Variants in ZNF827 observed in about 807,000 individuals in gnomAD.
ZNF827 encodes zinc finger protein 827.
ZNF827 carries 13 observed loss-of-function variants against 102.4 expected under a neutral mutation model. The ratio of observed to expected loss-of-function variants is 0.13; its 90% CI spans 0.08 to 0.20. The LOEUF is 0.20. Ranked by LOEUF, ZNF827 falls within the 10% of genes least tolerant of loss-of-function variation. ZNF827 has a pLI of 1.00. For synonymous variants in ZNF827, 523 were observed against 536.2 expected (o/e 0.98, Z 0.34); for missense variants, 1,103 against 1,344.4 (o/e 0.82, Z 2.81).
At chr4:145,790,932 G>A (rs758337015) in intron 8 of ZNF827, among the ~76,000 whole-genome samples, 1 of 152,168 alleles carries the variant, frequency 6.6e-6, no homozygotes, top group Non-Finnish European at 1.5e-5. Flanking sequence ...AGGCAACAGT[G>A]GTCACAAATA....
Position 145,819,199 on chromosome 4 carries a change from C to T in ZNF827, c.2383+4223G>A, listed in dbSNP as rs191899159. Among the ~76,000 whole-genome samples, 416 of 152,100 alleles carry T rather than the reference C, an allele frequency of 2.7e-3. 1 individual carries two copies. The highest frequency in any genetic ancestry group is 3.9e-3 in the Non-Finnish European group (262 of 68,010). ...GTGCTTTACATTATCTCACTCCAGG[C>T]TGCATCTGAAATAACACACGGAAGC... On this transcript the variant is annotated intron_variant, in intron 8 of 14. Transcript: ENST00000508784.
rs764433693 is a variant in ZNF827 at position 145,938,447 on chromosome 4, A to G, written c.-40T>C. ...CACATTCTCCTCCTTGGTTAATGTG[A>G]GATCAAATAAACCCCCGTGGGGGCA... On this transcript the variant is annotated 5_prime_UTR_variant, in exon 1 of 15. Coordinates refer to ENST00000508784, the MANE Select transcript of ZNF827 (RefSeq NM_001306215.2). The G allele has an allele frequency of 2.1e-6, 3 of 1,424,074 alleles. No homozygotes were observed. Among genetic ancestry groups the G allele is most frequent in the Non-Finnish European group, 2.8e-6 (3 of 1,063,344 alleles). 88.2% of individuals were successfully genotyped at this position (1,424,074 alleles called of 1,614,324 possible).
intron 7 of ZNF827, among the ~76,000 whole-genome samples, chr4:145,835,539 C>A (rs927014006): frequency 2.0e-5 from 3 of 149,882 alleles, no homozygotes; most frequent in Admixed American, 6.6e-5. Flanking sequence ...TATCTGCTTC[C>A]CTGACTATTC....
intron 5 of ZNF827, among the ~76,000 whole-genome samples, chr4:145,854,032 T>C (rs1367105029): frequency 6.6e-6 from 1 of 151,854 alleles, no homozygotes; most frequent in Non-Finnish European, 1.5e-5. Flanking sequence ...ATACAGGAAC[T>C]GGATGAGAGG....
intron 8 of ZNF827, among the ~76,000 whole-genome samples, chr4:145,806,312 C>T (rs1331639384): frequency 7.0e-6 from 1 of 143,844 alleles, no homozygotes; most frequent in African/African-American, 2.6e-5. Flanking sequence ...CCACCACGCC[C>T]AGCTACTTTT....
chr4:145,838,033 T>G (rs1450688739), intron 7 of ZNF827, among the ~76,000 whole-genome samples: 1 of 152,160 alleles, frequency 6.6e-6, no homozygotes, highest in Non-Finnish European at 1.5e-5. Context: ...TTATTTTTCT[T>G]ATTAATATAA....
At chr4:145,891,555 G>A (rs1454149192) in intron 3 of ZNF827, among the ~76,000 whole-genome samples, 1 of 152,182 alleles carries the variant, frequency 6.6e-6, no homozygotes, top group Non-Finnish European at 1.5e-5. Flanking sequence ...TTTAGTGTAG[G>A]TTTGAGCTCC....
intron 5 of ZNF827, among the ~76,000 whole-genome samples, chr4:145,858,840 TGA>T (rs1747433440): frequency 6.6e-6 from 1 of 152,116 alleles, no homozygotes; most frequent in South Asian, 2.1e-4. Flanking sequence ...TTTTAATAAC[TGA>T]GAGTTTGTCA....
At chr4:145,935,530 G>A (rs1039216258) in intron 1 of ZNF827, among the ~76,000 whole-genome samples, 5 of 152,184 alleles carry the variant, frequency 3.3e-5, no homozygotes, top group Non-Finnish European at 5.9e-5. Flanking sequence ...TCCATTCAAT[G>A]CAAAGGTAAG....
chr4:145,791,192 G>A (rs1157019906), intron 8 of ZNF827, among the ~76,000 whole-genome samples: 1 of 152,186 alleles, frequency 6.6e-6, no homozygotes, highest in Non-Finnish European at 1.5e-5. Context: ...TCAAGGCACT[G>A]GCAGATTCAG....
At chr4:145,918,332 CAAAAAAAAAAAAAAA>C (rs34428145) in intron 1 of ZNF827, among the ~76,000 whole-genome samples, 1 of 22,128 alleles carries the variant, frequency 4.5e-5, no homozygotes, top group Non-Finnish European at 7.2e-5. Flanking sequence ...TAGCTCAAGG[CAAAAAAAAAAAAAAA>C]AAAAAAAAAA....
intron 8 of ZNF827, among the ~76,000 whole-genome samples, chr4:145,822,535 T>C (rs1414753475): frequency 6.6e-6 from 1 of 152,202 alleles, no homozygotes; most frequent in Non-Finnish European, 1.5e-5. Flanking sequence ...ACAACCCTGC[T>C]GTGAGTACTG....
chr4:145,777,575 C>G (rs1029639389), intron 9 of ZNF827, among the ~76,000 whole-genome samples: 4 of 152,110 alleles, frequency 2.6e-5, no homozygotes, highest in Admixed American at 6.5e-5. Context: ...TTTCTTAGAG[C>G]TTCATTATTC....
At chr4:145,798,505 A>C (rs993260271) in intron 8 of ZNF827, among the ~76,000 whole-genome samples, 6 of 152,162 alleles carry the variant, frequency 3.9e-5, no homozygotes, top group Non-Finnish European at 7.3e-5. Flanking sequence ...GTCTCCACTA[A>C]AAATACAAAA....
chr4:145,837,059 A>G (rs1289133522), intron 7 of ZNF827, among the ~76,000 whole-genome samples: 2 of 152,160 alleles, frequency 1.3e-5, no homozygotes, highest in African/African-American at 4.8e-5. Context: ...GGCCTTTCCT[A>G]CAGGGTCTGA....
chr4:145,782,548 C>T (rs1738240571), intron 8 of ZNF827, among the ~76,000 whole-genome samples: 1 of 152,194 alleles, frequency 6.6e-6, no homozygotes, highest in African/African-American at 2.4e-5. Context: ...GACCTCACTG[C>T]CTTAATTGTG....
intron 11 of ZNF827, among the ~76,000 whole-genome samples, chr4:145,774,266 G>A (rs893425000): frequency 1.3e-5 from 2 of 152,142 alleles, no homozygotes; most frequent in Non-Finnish European, 2.9e-5. Context: ...CAAAGAGCTC[G>A]GCACCTCTCA....
intron 4 of ZNF827, among the ~76,000 whole-genome samples, chr4:145,872,943 T>C (rs1748830948): frequency 6.9e-6 from 1 of 145,480 alleles, no homozygotes; most frequent in Non-Finnish European, 1.5e-5. Flanking sequence ...TTTTTTTCTT[T>C]TCTTTTTTTT....
chr4:145,931,034 G>A (rs893337981), intron 1 of ZNF827, among the ~76,000 whole-genome samples: 1 of 152,106 alleles, frequency 6.6e-6, no homozygotes, highest in Non-Finnish European at 1.5e-5. Context: ...CATCAGAGAG[G>A]CCCCTGCCTC....
Sources: allele counts gnomAD v4.1 joint callset (sites outside exome capture counted in the v4.1 genomes callset), GRCh38; gene constraint gnomAD v4.1.1; transcripts MANE v1.5; gene names NCBI Gene and HGNC (gene_info 2026-07-23, HGNC 2026-07-21).